Variants in IGSF11 observed in about 807,000 individuals in gnomAD.
The protein encoded by IGSF11 is CXADR like 1.
In IGSF11, 22 loss-of-function variants were observed where a neutral mutation model predicts 41.0. The observed-to-expected ratio is 0.54, with a 90% CI of 0.38 to 0.77. IGSF11 has a LOEUF of 0.77. Ranked by LOEUF, IGSF11 falls within the 30% of genes least tolerant of loss-of-function variation. The probability of loss-of-function intolerance (pLI) is 0.00; values close to 1 mark genes in which losing one functional copy is unlikely to be tolerated. For synonymous variants in IGSF11, 219 were observed against 201.3 expected (o/e 1.09, Z -0.74); for missense variants, 444 against 530.8 (o/e 0.84, Z 1.61).
chr3:119,045,386 C>T (rs923417557), intron 1 of IGSF11, among the ~76,000 whole-genome samples: 12 of 152,222 alleles, frequency 7.9e-5, no homozygotes, highest in East Asian at 7.7e-4. Context: ...GGGTGACGAA[C>T]GGCACCTGGA....
At chr3:119,092,397 G>A (rs1215662607) in intron 1 of IGSF11, among the ~76,000 whole-genome samples, 3 of 151,860 alleles carry the variant, frequency 2.0e-5, no homozygotes, top group Non-Finnish European at 2.9e-5. Flanking sequence ...GTGCAGTGGC[G>A]CAATTTTGGC....
intron 1 of IGSF11, among the ~76,000 whole-genome samples, chr3:118,987,590 A>C (rs553263332): frequency 1.3e-5 from 2 of 152,330 alleles, no homozygotes; most frequent in East Asian, 1.9e-4. Flanking sequence ...CTCATCACTC[A>C]GAGAGTTAAA....
intron 1 of IGSF11, among the ~76,000 whole-genome samples, chr3:119,024,132 A>C (rs1465165202): frequency 6.6e-6 from 1 of 152,206 alleles, no homozygotes; most frequent in African/African-American, 2.4e-5. Context: ...GGTTGGGAGG[A>C]TAAGAGCACA....
chr3:118,955,137 G>A (rs548646983), intron 1 of IGSF11, among the ~76,000 whole-genome samples: 1 of 152,126 alleles, frequency 6.6e-6, no homozygotes, highest in African/African-American at 2.4e-5. Flanking sequence ...ATTTGCAATT[G>A]CAAAAGTATG....
intron 1 of IGSF11, among the ~76,000 whole-genome samples, chr3:119,049,801 A>C (rs1456258229): frequency 6.6e-6 from 1 of 150,458 alleles, no homozygotes; most frequent in African/African-American, 2.4e-5. Context: ...CAAAACAGAG[A>C]TGTAGATCAA....
intron 4 of IGSF11, among the ~76,000 whole-genome samples, chr3:118,914,279 C>G (rs1467817170): frequency 1.3e-5 from 2 of 152,218 alleles, no homozygotes; most frequent in Admixed American, 6.5e-5. Flanking sequence ...GGAACAGCTC[C>G]GGTCTACAGC....
intron 1 of IGSF11, among the ~76,000 whole-genome samples, chr3:118,974,869 C>T (rs1484146675): frequency 3.3e-5 from 5 of 151,526 alleles, no homozygotes; most frequent in African/African-American, 1.2e-4. Context: ...ATATATTTGT[C>T]AAAACACCTA....
chr3:118,914,345 C>A (rs370663411), intron 4 of IGSF11, among the ~76,000 whole-genome samples: 1 of 150,282 alleles, frequency 6.7e-6, no homozygotes, highest in African/African-American at 2.5e-5. Flanking sequence ...TCTGAGGTAC[C>A]GGGTTCATCT....
chr3:119,119,996 C>T (rs2077310816), intron 1 of IGSF11, among the ~76,000 whole-genome samples: 2 of 152,270 alleles, frequency 1.3e-5, no homozygotes, highest in South Asian at 4.2e-4. Context: ...AAACATATTC[C>T]TAAAATCTAA....
chr3:118,966,066 A>G (rs1188616193), intron 1 of IGSF11, among the ~76,000 whole-genome samples: 1 of 152,156 alleles, frequency 6.6e-6, no homozygotes, highest in Non-Finnish European at 1.5e-5. Context: ...ATAGTAGTTA[A>G]TCCAAGAACC....
At position 118,969,642 on chromosome 3, in the gene IGSF11, G is replaced by A. The variant is rs1054521691; in HGVS notation, c.53-39367C>T. Among the ~76,000 whole-genome samples, 3 of 152,188 alleles carry A rather than the reference G, an allele frequency of 2.0e-5. No homozygotes were observed. The East Asian group carries it at 5.8e-4, about 29-fold the overall frequency. On this transcript the variant is annotated intron_variant, in intron 1 of 6. Coordinates refer to ENST00000393775, the MANE Select transcript of IGSF11 (RefSeq NM_001015887.3). ...AACTCAGGTGTGCAAGCAATTGGGA[G>A]TTTATTTCTGTACAACTGAACTTAA...
intron 4 of IGSF11, among the ~76,000 whole-genome samples, chr3:118,909,137 C>T (rs936440313): frequency 6.6e-6 from 1 of 151,980 alleles, no homozygotes; most frequent in Admixed American, 6.6e-5. Context: ...CTAGTGTCTC[C>T]CAATGGATAT....
At chr3:119,060,892 A>C (rs1369585) in intron 1 of IGSF11, among the ~76,000 whole-genome samples, 31,253 of 152,072 alleles carry the variant, frequency 0.21, 4,408 homozygotes, top group African/African-American at 0.39. Flanking sequence ...CAGACATATA[A>C]AATTAAATAG....
intron 1 of IGSF11, chr3:118,948,455 G>A (rs1944325122): frequency 6.6e-6 from 1 of 152,156 alleles, no homozygotes; most frequent in Non-Finnish European, 1.5e-5. Flanking sequence ...CACAAAATGG[G>A]AGATTACAGA....
chr3:119,006,784 G>C (rs941164446), intron 1 of IGSF11, among the ~76,000 whole-genome samples: 3 of 150,954 alleles, frequency 2.0e-5, no homozygotes, highest in African/African-American at 7.4e-5. Flanking sequence ...TCGGGGTTCA[G>C]GGGTCAGGGA....
chr3:118,983,066 AT>A (rs1934902317), intron 1 of IGSF11, among the ~76,000 whole-genome samples: 1 of 152,186 alleles, frequency 6.6e-6, no homozygotes, highest in South Asian at 2.1e-4. Context: ...CCCCAACATA[AT>A]TGCAAGGAAG....
chr3:119,054,017 C>G (rs1204167089), intron 1 of IGSF11, among the ~76,000 whole-genome samples: 1 of 152,148 alleles, frequency 6.6e-6, no homozygotes, highest in African/African-American at 2.4e-5. Context: ...AAAATCAACT[C>G]AAGATGGATC....
At chr3:119,034,983 C>T (rs1940815484), upstream of IGSF11, 1 of 326,010 alleles carries the variant, frequency 3.1e-6, no homozygotes, top group African/African-American at 2.2e-5. Context: ...AGCGCGACGC[C>T]TGGCGGCCCA....
At chr3:118,969,439 A>C (rs1177704686) in intron 1 of IGSF11, among the ~76,000 whole-genome samples, 2 of 152,168 alleles carry the variant, frequency 1.3e-5, no homozygotes, top group Non-Finnish European at 2.9e-5. Context: ...GGGCTGCGTA[A>C]AGGACAGGTT....
Sources: allele counts gnomAD v4.1 joint callset (sites outside exome capture counted in the v4.1 genomes callset), GRCh38; gene constraint gnomAD v4.1.1; transcripts MANE v1.5; gene names NCBI Gene and HGNC (gene_info 2026-07-23, HGNC 2026-07-21).